The following SLC25A36 variants were observed in gnomAD, a reference collection of about 807,000 sequenced individuals.
SLC25A36 encodes solute carrier family 25 member 36, also known as epididymis secretory sperm binding protein.
A neutral mutation model predicts 35.3 loss-of-function variants in SLC25A36; 24 were observed. That is an observed-to-expected ratio of 0.68 (90% confidence interval 0.49 to 0.96). The LOEUF is 0.96. Ranked by LOEUF, SLC25A36 falls within the 40% of genes least tolerant of loss-of-function variation. SLC25A36 has a pLI of 0.00. For missense variants in SLC25A36, 294 were observed against 381.1 expected, an observed-to-expected ratio of 0.77 and a Z score of 1.90; for synonymous variants, 141 against 132.2, an observed-to-expected ratio of 1.07 and a Z score of -0.46.
intron 5 of SLC25A36, among the ~76,000 whole-genome samples, chr3:140,972,007 T>C (rs1934916757): frequency 6.6e-6 from 1 of 152,214 alleles, no homozygotes; most frequent in Non-Finnish European, 1.5e-5. Flanking sequence ...TGAAAAGAAA[T>C]ATCTAATTGT....
rs1461135891 is a variant in SLC25A36, at chr3:140,956,624, C to G, written c.139C>G (p.Gln47Glu). 1.4e-5 allele frequency: 23 copies of G among 1,612,988 alleles called. No individual in the cohort carries two copies. The highest frequency in any genetic ancestry group is 1.8e-5 in the Non-Finnish European group (21 of 1,179,768). ...TGTGACGCTTTATATTTCTGAAGTT[C>G]AGCTGAACACCATGGCTGGAGCCAG... is the stretch of plus-strand genomic sequence containing the variant. ...SSVTLYISEV[Q>E]LNTMAGASVN... The change falls in exon 2 of 7, where the codon CAG becomes GAG. Residue 47 changes from glutamine (Q) to glutamate (E), a missense_variant. Transcript: ENST00000324194.
In SLC25A36 at chr3:140,947,757, A is replaced by G. The variant is rs139878969; in HGVS notation, c.41+5662A>G. On this transcript the variant is annotated intron_variant, in intron 1 of 6. Coordinates refer to ENST00000324194, the MANE Select transcript of SLC25A36 (RefSeq NM_001104647.3). ...AATGCTGTGTTATTCTCAAGCACGC[A>G]TTGCTGACTTTTCCTAAGTTGGTCT... is the stretch of plus-strand genomic sequence containing the variant. Among the ~76,000 whole-genome samples, 164 of 152,316 alleles carry G rather than the reference A, an allele frequency of 1.1e-3. 1 individual carries two copies. The East Asian group carries it at 0.031, about 29-fold the overall frequency.
At chr3:140,953,215 G>A (rs1027849053) in intron 1 of SLC25A36, among the ~76,000 whole-genome samples, 2 of 152,050 alleles carry the variant, frequency 1.3e-5, no homozygotes, top group African/African-American at 2.4e-5. Context: ...TCCTCTTGTG[G>A]CCTCATATAT....
rs1935073993 is a variant in SLC25A36, at chr3:140,977,353, T to G, written c.*900T>G. The G allele has an allele frequency of 6.6e-6, 1 of 152,176 alleles. No homozygotes were observed. Among genetic ancestry groups the G allele is most frequent in the African/African-American group, 2.4e-5 (1 of 41,438 alleles). 9.4% of individuals were successfully genotyped at this position (152,176 alleles called of 1,614,324 possible). A position where few individuals can be genotyped will look rare whatever the true frequency, so the allele number is the denominator to read the frequency against. On this transcript the variant is annotated 3_prime_UTR_variant, in exon 7 of 7. Coordinates refer to ENST00000324194, the MANE Select transcript of SLC25A36 (RefSeq NM_001104647.3). ...TGCTTTCACATTAAGAATTTGAACTTTTGAGTTTTTTCCAGGTCTATATAT... is the reference window on the plus strand; with the variant it reads ...TGCTTTCACATTAAGAATTTGAACTGTTGAGTTTTTTCCAGGTCTATATAT...
intron 4 of SLC25A36, among the ~76,000 whole-genome samples, chr3:140,969,786 G>C (rs1934855077): frequency 6.6e-6 from 1 of 151,820 alleles, no homozygotes; most frequent in Non-Finnish European, 1.5e-5. Context: ...TAAGTATATT[G>C]TAGCATTTCT....
At chr3:140,942,497 C>G (rs1238608796) in intron 1 of SLC25A36, 1 of 163,954 alleles carries the variant, frequency 6.1e-6, no homozygotes. Context: ...GGCCGCACGC[C>G]GCAATCTAGC....
Position 140,970,907 on chromosome 3 carries a change from T to A in SLC25A36, c.386-20T>A. On this transcript the variant is annotated intron_variant, in intron 4 of 6. Coordinates refer to ENST00000324194, the MANE Select transcript of SLC25A36 (RefSeq NM_001104647.3). ...AATTCTTCATTTTTACCAGAGTTCATTTTAAACATGTTTGTTTAGGTTTTA... is the reference window on the plus strand; with the variant it reads ...AATTCTTCATTTTTACCAGAGTTCAATTTAAACATGTTTGTTTAGGTTTTA... The A allele has an allele frequency of 7.9e-7, 1 of 1,259,158 alleles. No homozygotes were observed. 78.0% of individuals were successfully genotyped at this position (1,259,158 alleles called of 1,614,324 possible).
intron 1 of SLC25A36, among the ~76,000 whole-genome samples, chr3:140,944,766 ACTGT>A (rs1934118361): frequency 6.6e-6 from 1 of 152,064 alleles, no homozygotes; most frequent in Non-Finnish European, 1.5e-5. Flanking sequence ...TGATCTAAGA[ACTGT>A]CTATTTTTAT....
At chr3:140,950,263 TG>T (rs1249059375) in intron 1 of SLC25A36, among the ~76,000 whole-genome samples, 1 of 100,726 alleles carries the variant, frequency 9.9e-6, no homozygotes, top group Non-Finnish European at 2.0e-5. Context: ...CACCCCCCAC[TG>T]CCCCTGAAGT....
chr3:140,966,885 G>A (rs1934773343), intron 4 of SLC25A36: 1 of 455,302 alleles, frequency 2.2e-6, no homozygotes, highest in African/African-American at 2.0e-5. Context: ...TGTTTCTGAT[G>A]AGGTCACTGC....
chr3:140,949,072 T>G lies in SLC25A36; in HGVS notation c.41+6977T>G, dbSNP rs189515117. Among the ~76,000 whole-genome samples the G allele has an allele frequency of 1.1e-3, 167 of 152,314 alleles. 1 individual carries two copies. Among genetic ancestry groups the G allele is most frequent in the Non-Finnish European group, 1.8e-3 (122 of 68,026 alleles). Reference sequence around the variant, plus strand: ...CTTACAAAACTTGTTTGCACAGGGTTGTTTTATTTGTTTTGTTTTTTAAAC... The same window carrying G: ...CTTACAAAACTTGTTTGCACAGGGTGGTTTTATTTGTTTTGTTTTTTAAAC... On this transcript the variant is annotated intron_variant, in intron 1 of 6. Transcript: ENST00000324194.
At chr3:140,974,504 T>C (rs1459278348) in intron 6 of SLC25A36, among the ~76,000 whole-genome samples, 2 of 152,304 alleles carry the variant, frequency 1.3e-5, no homozygotes, top group East Asian at 3.9e-4. Flanking sequence ...TTAAAGTCTG[T>C]AATCCCAAAG....
rs2107812685 is a variant in SLC25A36, at chr3:140,970,943, A to G, written c.402A>G (p.Thr134=). The part of the protein sequence containing the change: ...SAAMAGFTAI[T]ATNPIWLIKT... Reference sequence around the variant, plus strand: ...TTTGTTTAGGTTTTACTGCAATCACAGCAACCAACCCCATTTGGCTTATAA... The same window carrying G: ...TTTGTTTAGGTTTTACTGCAATCACGGCAACCAACCCCATTTGGCTTATAA... The change falls in exon 5 of 7, where the codon ACA becomes ACG. Residue 134 remains threonine, a synonymous_variant. Coordinates refer to ENST00000324194, the MANE Select transcript of SLC25A36 (RefSeq NM_001104647.3). 3 of 1,519,334 alleles carry G rather than the reference A, an allele frequency of 2.0e-6. No homozygotes were observed. Among genetic ancestry groups the G allele is most frequent in the Non-Finnish European group, 2.7e-6 (3 of 1,094,890 alleles). 94.1% of individuals were successfully genotyped at this position (1,519,334 alleles called of 1,614,324 possible). A position where few individuals can be genotyped will look rare whatever the true frequency, so the allele number is the denominator to read the frequency against.
intron 1 of SLC25A36, among the ~76,000 whole-genome samples, chr3:140,942,932 G>T (rs982145232): frequency 2.0e-5 from 3 of 152,158 alleles, no homozygotes; most frequent in Admixed American, 2.0e-4. Context: ...CTTTTCTGCT[G>T]CTTAGGAGAA....
At chr3:140,966,987 T>G (rs1286765559) in intron 4 of SLC25A36, 1 of 456,300 alleles carries the variant, frequency 2.2e-6, no homozygotes, top group South Asian at 1.5e-5. Flanking sequence ...CATCTCATGC[T>G]CCCCATCCGC....
At chr3:140,967,727 A>G (rs967384041) in intron 4 of SLC25A36, among the ~76,000 whole-genome samples, 15 of 152,000 alleles carry the variant, frequency 9.9e-5, no homozygotes, top group African/African-American at 3.4e-4. Flanking sequence ...ACTTAGATAA[A>G]GCAAAACTTT....
chr3:140,966,724 T>C (rs947529994), intron 4 of SLC25A36: 6 of 354,272 alleles, frequency 1.7e-5, no homozygotes, highest in Middle Eastern at 1.0e-3. Context: ...CTGAAACTGC[T>C]GCAGATGGCA....
intron 3 of SLC25A36, among the ~76,000 whole-genome samples, chr3:140,962,408 A>C (rs1179407921): frequency 6.6e-6 from 1 of 152,168 alleles, no homozygotes; most frequent in Non-Finnish European, 1.5e-5. Context: ...GGATGCATAA[A>C]ATCGTAGTCA....
chr3:140,968,668 T>C, intron 4 of SLC25A36: 1 of 981,922 alleles, frequency 1.0e-6, no homozygotes, highest in African/African-American at 1.7e-5. Context: ...TTTTTATATA[T>C]GGGTTTTTTT....
Sources: allele counts gnomAD v4.1 joint callset (sites outside exome capture counted in the v4.1 genomes callset), GRCh38; gene constraint gnomAD v4.1.1; transcripts MANE v1.5; gene names NCBI Gene and HGNC (gene_info 2026-07-23, HGNC 2026-07-21).